LINGO2: variants seen among roughly 807,000 people sequenced by gnomAD.
The protein encoded by LINGO2 is leucine-rich repeat and immunoglobulin-like domain-containing nogo receptor-interacting protein 2.
A neutral mutation model predicts 30.6 loss-of-function variants in LINGO2; 14 were observed. The ratio of observed to expected loss-of-function variants is 0.46; its 90% CI spans 0.30 to 0.72. LINGO2 has a LOEUF of 0.72. Ranked by LOEUF, LINGO2 falls within the 30% of genes least tolerant of loss-of-function variation. The pLI is 0.07. For missense variants in LINGO2, 729 were observed against 751.7 expected (o/e 0.97, Z 0.35); for synonymous variants, 317 against 288.5 (o/e 1.10, Z -1.00).
At chr9:28,875,373 G>A in the LINGO2 span, among the ~76,000 whole-genome samples, 2 of 152,022 alleles carry the variant, frequency 1.3e-5, no homozygotes, top group Non-Finnish European at 2.9e-5. Context: ...TTGAAAGTAA[G>A]TTGTAAATAG....
rs544259766 is a variant in LINGO2 at position 28,322,179 on chromosome 9, A to G, written c.-245-26813T>C. 5.9e-5 allele frequency among the ~76,000 whole-genome samples: 9 copies of G among 152,238 alleles called. No homozygotes were observed. In the South Asian group the frequency reaches 1.9e-3, roughly 32 times the overall value. On this transcript the variant is annotated intron_variant, in intron 3 of 5. Coordinates refer to ENST00000379992, the Ensembl canonical transcript of LINGO2. Reference sequence around the variant, plus strand: ...ATACTGGCCTTGGGCCTGTGCTCCAACTGTCCCTTTTGCCTGGAATGTCCT... The same window carrying G: ...ATACTGGCCTTGGGCCTGTGCTCCAGCTGTCCCTTTTGCCTGGAATGTCCT...
At chr9:29,032,967 A>G in the LINGO2 span, among the ~76,000 whole-genome samples, 1 of 152,146 alleles carries the variant, frequency 6.6e-6, no homozygotes. Flanking sequence ...TATGAGGACT[A>G]GTGGAATGAA....
intron 1 of LINGO2, among the ~76,000 whole-genome samples, chr9:28,480,760 A>G (rs548619426): frequency 7.2e-5 from 11 of 151,834 alleles, no homozygotes; most frequent in African/African-American, 2.7e-4. Context: ...TTTACTTTCA[A>G]TTTTTTTTGT....
At chr9:28,312,428 T>C (rs1258240360) in intron 3 of LINGO2, among the ~76,000 whole-genome samples, 1 of 151,938 alleles carries the variant, frequency 6.6e-6, no homozygotes, top group South Asian at 2.1e-4. Context: ...ATTATTAAAA[T>C]TTTCAGGAAA....
the LINGO2 span, among the ~76,000 whole-genome samples, chr9:29,089,565 T>A: frequency 6.6e-6 from 1 of 152,110 alleles, no homozygotes; most frequent in East Asian, 1.9e-4. Context: ...GTTTATATAC[T>A]CTCATTCTCC....
chr9:28,576,079 G>A (rs1386807355), intron 1 of LINGO2, among the ~76,000 whole-genome samples: 1 of 152,042 alleles, frequency 6.6e-6, no homozygotes, highest in African/African-American at 2.4e-5. Flanking sequence ...AAATACACCT[G>A]AACTCCCAAA....
intron 3 of LINGO2, among the ~76,000 whole-genome samples, chr9:28,333,021 T>A (rs1036353267): frequency 1.3e-5 from 2 of 152,194 alleles, no homozygotes; most frequent in African/African-American, 2.4e-5. Flanking sequence ...GATTCAGAGA[T>A]ATTTATCTTT....
At chr9:28,389,047 TATA>T (rs1395753621) in intron 2 of LINGO2, among the ~76,000 whole-genome samples, 2 of 152,204 alleles carry the variant, frequency 1.3e-5, no homozygotes, top group Non-Finnish European at 2.9e-5. Context: ...TTATTTTTGC[TATA>T]ACCTGGTATA....
intron 5 of LINGO2, among the ~76,000 whole-genome samples, chr9:27,971,266 T>C (rs963034914): frequency 6.6e-6 from 1 of 152,108 alleles, no homozygotes; most frequent in African/African-American, 2.4e-5. Context: ...TTCTGTTTTT[T>C]TCTTATTATG....
chr9:28,159,384 CA>C (rs1828224052), intron 4 of LINGO2, among the ~76,000 whole-genome samples: 1 of 151,992 alleles, frequency 6.6e-6, no homozygotes, highest in Non-Finnish European at 1.5e-5. Flanking sequence ...AGCACATGTG[CA>C]GCTTTTATTT....
At chr9:28,211,760 T>A (rs1820600421) in intron 4 of LINGO2, among the ~76,000 whole-genome samples, 1 of 151,388 alleles carries the variant, frequency 6.6e-6, no homozygotes, top group East Asian at 1.9e-4. Flanking sequence ...CTCCCAGAAA[T>A]GAGCAAATGC....
intron 5 of LINGO2, among the ~76,000 whole-genome samples, chr9:27,993,116 C>G (rs1014211146): frequency 9.2e-5 from 14 of 152,086 alleles, no homozygotes; most frequent in African/African-American, 3.4e-4. Flanking sequence ...ATGATGCTAA[C>G]ATTTATCTAA....
At chr9:28,127,857 T>G (rs1381779990) in intron 4 of LINGO2, among the ~76,000 whole-genome samples, 1 of 152,232 alleles carries the variant, frequency 6.6e-6, no homozygotes, top group Admixed American at 6.5e-5. Flanking sequence ...TGGGTTTGAG[T>G]AGGGGCTTGC....
At chr9:28,157,165 C>A (rs1180380628) in intron 4 of LINGO2, among the ~76,000 whole-genome samples, 8 of 152,224 alleles carry the variant, frequency 5.3e-5, no homozygotes, top group Admixed American at 3.3e-4. Flanking sequence ...GGGCCCGCTC[C>A]TGCAGCAAAC....
At chr9:28,617,447 C>G (rs915785510) in intron 1 of LINGO2, among the ~76,000 whole-genome samples, 1 of 152,008 alleles carries the variant, frequency 6.6e-6, no homozygotes, top group Non-Finnish European at 1.5e-5. Flanking sequence ...AGGCGCCCAC[C>G]ACCACTCCTG....
the LINGO2 span, among the ~76,000 whole-genome samples, chr9:29,069,224 A>AT: frequency 1.3e-5 from 2 of 151,988 alleles, no homozygotes. Flanking sequence ...ACTAATATGC[A>AT]TAATTAGAAG....
chr9:28,909,298 G>A, the LINGO2 span, among the ~76,000 whole-genome samples: 1 of 151,838 alleles, frequency 6.6e-6, no homozygotes, highest in Non-Finnish European at 1.5e-5. Flanking sequence ...TATTTATACA[G>A]TAATGCTTAT....
Position 28,105,645 on chromosome 9 carries a change from G to A in LINGO2, c.-86-93240C>T, listed in dbSNP as rs182631201. Among the ~76,000 whole-genome samples, 116 of 152,184 alleles carry A rather than the reference G, an allele frequency of 7.6e-4. 1 individual carries two copies. The highest frequency in any genetic ancestry group is 3.4e-3 in the Middle Eastern group (1 of 294). ...GATGGGGTCTGTGGGAGGTAATTAA[G>A]ATTAACTGAGCTCATACAGGTGGAG... is the stretch of plus-strand genomic sequence containing the variant. On this transcript the variant is annotated intron_variant, in intron 4 of 5. Transcript: ENST00000379992.
At chr9:28,767,056 A>G in the LINGO2 span, among the ~76,000 whole-genome samples, 1 of 151,310 alleles carries the variant, frequency 6.6e-6, no homozygotes, top group African/African-American at 2.5e-5. Flanking sequence ...ATAAAAACAG[A>G]TAGTATGGTG....
Sources: allele counts gnomAD v4.1 joint callset (sites outside exome capture counted in the v4.1 genomes callset), GRCh38; gene constraint gnomAD v4.1.1; transcripts MANE v1.5; gene names NCBI Gene and HGNC (gene_info 2026-07-23, HGNC 2026-07-21).